The following NIF3L1 variants were observed in gnomAD, a reference collection of about 807,000 sequenced individuals.
NIF3L1 encodes NGG1 interacting factor 3 like 1.
NIF3L1 carries 26 observed loss-of-function variants against 35.0 expected under a neutral mutation model. The observed-to-expected ratio is 0.74, with a 90% confidence interval of 0.54 to 1.03. NIF3L1 has a LOEUF of 1.03. Among genes scored for constraint, NIF3L1 ranks in the 50% least tolerant of loss-of-function variants. The pLI is 0.00. For missense variants in NIF3L1, 449 were observed against 466.3 expected (o/e 0.96, Z 0.34); for synonymous variants, 157 against 178.9 (o/e 0.88, Z 0.98).
At chr2:200,893,959 G>GGGAGGCCA (rs773265228) in intron 3 of NIF3L1, among the ~76,000 whole-genome samples, 15 of 152,228 alleles carry the variant, frequency 9.9e-5, no homozygotes, top group Non-Finnish European at 2.1e-4. Context: ...TGGATCACCT[G>GGGAGGCCA]AGGTCAGGAG....
chr2:200,899,283 G>C, intron 5 of NIF3L1, 102 bp from the exon 6 acceptor site: 1 of 814,430 alleles, frequency 1.2e-6, no homozygotes, highest in Non-Finnish European at 2.0e-6. Context: ...GATGAGACCA[G>C]GAGTGAAATC....
intron 2 of NIF3L1, among the ~76,000 whole-genome samples, chr2:200,893,039 AAAT>A (rs767969406): frequency 5.9e-5 from 9 of 152,206 alleles, no homozygotes; most frequent in Non-Finnish European, 8.8e-5. Flanking sequence ...ATAATTCTGA[AAAT>A]AATTTGATTT....
chr2:200,899,698 A>G (rs2040380475), intron 6 of NIF3L1, among the ~76,000 whole-genome samples: 1 of 152,146 alleles, frequency 6.6e-6, no homozygotes, highest in South Asian at 2.1e-4. Context: ...TATTTTACCT[A>G]CATTCTTCCT....
intron 6 of NIF3L1, 109 bp from the exon 7 acceptor site, chr2:200,903,385 T>G: frequency 1.2e-6 from 1 of 830,578 alleles, no homozygotes. Flanking sequence ...TTCTGCTCTA[T>G]TACATTCACT....
intron 2 of NIF3L1, 69 bp from the exon 3 acceptor site, chr2:200,893,177 A>C (rs1229526245): frequency 7.9e-7 from 1 of 1,269,976 alleles, no homozygotes; most frequent in Non-Finnish European, 1.1e-6. Flanking sequence ...TTTTGCCTAT[A>C]ATAGTTTACT....
In NIF3L1 at chr2:200,893,279, A is replaced by G. The variant is rs200712116; in HGVS notation, c.470A>G (p.Lys157Arg). The part of the protein sequence containing the change: ...ACTSRPIHPS[K>R]APNYPTEGNH... ...ACCTCCAGGCCCATACATCCTTCCA[A>G]AGCTCCCAACTACCCTACAGAGGGA... The change falls in exon 3 of 7, where the codon AAA becomes AGA. Residue 157 changes from lysine (K) to arginine (R), a missense_variant. By Grantham distance (26) the Lys-to-Arg change is conservative. Transcript: ENST00000409020. 288 of 1,573,468 alleles carry G rather than the reference A, an allele frequency of 1.8e-4. No individual in the cohort carries two copies. Among genetic ancestry groups the G allele is most frequent in the Non-Finnish European group, 2.3e-4 (271 of 1,158,034 alleles).
At position 200,895,317 on chromosome 2, in the gene NIF3L1, T is replaced by G. The variant is rs373235148; in HGVS notation, c.653T>G (p.Leu218Trp). The change falls in exon 4 of 7, where the codon TTG (leucine) becomes TGG (tryptophan). Residue 218 changes from leucine (L) to tryptophan (W), a missense_variant. Coordinates refer to ENST00000409020, the MANE Select transcript of NIF3L1 (RefSeq NM_001369441.2). ...AATCTGAATTGTACTCAGAAGGCTT[T>G]GATGCAGGTGGTAGATTTTCTTTCC... ...RINLNCTQKA[L>W]MQVVDFLSRN... 7.9e-5 allele frequency: 127 copies of G among 1,613,980 alleles called. 1 individual carries two copies. The African/African-American group carries it at 1.6e-3, about 20-fold the overall frequency.
At chr2:200,900,520 T>C (rs919291616) in intron 6 of NIF3L1, among the ~76,000 whole-genome samples, 1 of 152,168 alleles carries the variant, frequency 6.6e-6, no homozygotes, top group Non-Finnish European at 1.5e-5. Flanking sequence ...ACCCACACTT[T>C]GTTATATAGC....
rs2040443555 is a variant in NIF3L1 at position 200,903,532 on chromosome 2, C to T, written c.988C>T (p.Gln330Ter). ...SHHDTLDAAS[Q>*]GINVILCEHS... ...TCATGATACTTTGGATGCTGCTTCC[C>T]AAGGAATAAATGTCATCCTCTGTGA... is the stretch of plus-strand genomic sequence containing the variant. The change falls in exon 7 of 7, where the codon CAA (glutamine) becomes TAA (stop). Residue 330 changes from glutamine (Q) to a stop codon, truncating the protein, a stop_gained. Transcript: ENST00000409020. LOFTEE classifies it high-confidence loss of function. The T allele has an allele frequency of 6.2e-7, 1 of 1,613,866 alleles. No individual in the cohort carries two copies. The highest frequency in any genetic ancestry group is 1.3e-5 in the African/African-American group (1 of 74,906).
intron 1 of NIF3L1, among the ~76,000 whole-genome samples, chr2:200,890,954 C>CTTTTTTTTTTTTTTT (rs58191528): frequency 7.3e-6 from 1 of 137,024 alleles, no homozygotes; most frequent in Non-Finnish European, 1.6e-5. Context: ...TTTAAACATT[C>CTTTTTTTTTTTTTTT]TTTTTTTTTT....
chr2:200,892,853 C>CT (rs751812334), intron 2 of NIF3L1, among the ~76,000 whole-genome samples: 2 of 152,088 alleles, frequency 1.3e-5, no homozygotes, highest in African/African-American at 4.8e-5. Context: ...TGGGCTAAAG[C>CT]TTTTATGATG....
chr2:200,896,474 AC>A (rs2040316126), intron 4 of NIF3L1, among the ~76,000 whole-genome samples: 1 of 152,066 alleles, frequency 6.6e-6, no homozygotes, highest in East Asian at 1.9e-4. Flanking sequence ...TTTCTCTAAG[AC>A]CTAAGTCCTT....
At position 200,903,872 on chromosome 2, in the gene NIF3L1, A is replaced by G. The variant is rs1398665799; in HGVS notation, c.*194A>G. The G allele has an allele frequency of 1.7e-6, 1 of 593,648 alleles. No individual in the cohort carries two copies. Among genetic ancestry groups the G allele is most frequent in the Non-Finnish European group, 3.0e-6 (1 of 331,400 alleles). 36.8% of individuals were successfully genotyped at this position (593,648 alleles called of 1,614,324 possible). On this transcript the variant is annotated 3_prime_UTR_variant, in exon 7 of 7. Transcript: ENST00000409020. ...CTGTAATATAACTACCATATTAAAT[A>G]ACAAATGTTCATTATAAACTCTAGG...
chr2:200,893,212 C>CA, intron 2 of NIF3L1, 34 bp from the exon 3 acceptor site: 2 of 1,457,432 alleles, frequency 1.4e-6, no homozygotes, highest in Non-Finnish European at 9.1e-7. Context: ...TCTCACCCCC[C>CA]AAAACTCCCA....
At chr2:200,898,644 G>A (rs1003747680) in intron 5 of NIF3L1, among the ~76,000 whole-genome samples, 6 of 152,076 alleles carry the variant, frequency 3.9e-5, no homozygotes, top group African/African-American at 7.2e-5. Context: ...TAACTCCAAA[G>A]CCCCCTCTTT....
chr2:200,901,423 G>A (rs2040408677), intron 6 of NIF3L1, among the ~76,000 whole-genome samples: 1 of 152,168 alleles, frequency 6.6e-6, no homozygotes, highest in Admixed American at 6.5e-5. Context: ...AAAGTATAAT[G>A]ATACGTGCAT....
chr2:200,896,277 G>A (rs1215737172), intron 4 of NIF3L1, among the ~76,000 whole-genome samples: 1 of 152,116 alleles, frequency 6.6e-6, no homozygotes, highest in African/African-American at 2.4e-5. Context: ...ACTCTGCACA[G>A]TAGCCATACT....
chr2:200,889,347 C>T (rs540757066), upstream of NIF3L1: 2 of 279,436 alleles, frequency 7.2e-6, no homozygotes, highest in South Asian at 6.5e-5. Flanking sequence ...GCATCCGGAG[C>T]GCCGACGCGG....
At chr2:200,893,453 G>A (rs1312731329) in intron 3 of NIF3L1, 45 bp downstream of exon 3, 1 of 1,578,722 alleles carries the variant, frequency 6.3e-7, no homozygotes, top group Admixed American at 1.7e-5. Context: ...TTATTGGTAA[G>A]CATCTTCCTT....
Sources: gnomAD v4.1 joint callset for allele counts (sites outside exome capture counted in the v4.1 genomes callset) on GRCh38, gnomAD v4.1.1 for gene constraint, MANE v1.5 for transcripts, NCBI Gene and HGNC (gene_info 2026-07-23, HGNC 2026-07-21) for gene names.